Variants in CTRC observed in about 807,000 individuals in gnomAD.
The protein encoded by CTRC is chymotrypsin-C.
In CTRC, 32 loss-of-function variants were observed where a neutral mutation model predicts 35.7. The ratio of observed to expected loss-of-function variants is 0.90; its 90% CI spans 0.68 to 1.20. CTRC has a LOEUF of 1.20. Among genes scored for constraint, CTRC ranks in the 50% most tolerant of loss-of-function variants. The probability of loss-of-function intolerance (pLI) is 0.00; values close to 1 mark genes in which losing one functional copy is unlikely to be tolerated. For synonymous variants in CTRC, 119 were observed against 149.5 expected (o/e 0.80, Z 1.49); for missense variants, 324 against 361.5 (o/e 0.90, Z 0.84).
chr1:15,439,917 T>C (rs1481940981), intron 1 of CTRC, among the ~76,000 whole-genome samples: 1 of 152,170 alleles, frequency 6.6e-6, no homozygotes, highest in African/African-American at 2.4e-5. Flanking sequence ...AATTTCTGTA[T>C]TTTTAGTAGA....
At chr1:15,445,205 C>G (rs1364349407) in intron 6 of CTRC, among the ~76,000 whole-genome samples, 3 of 152,120 alleles carry the variant, frequency 2.0e-5, no homozygotes, top group Admixed American at 2.0e-4. Context: ...TTCAAACACA[C>G]AACCCTCTCC....
intron 7 of CTRC, 98 bp downstream of exon 7, chr1:15,445,847 CATTCATTT>C (rs1708210689): frequency 7.1e-7 from 1 of 1,414,856 alleles, no homozygotes; most frequent in Admixed American, 1.7e-5. Flanking sequence ...TTTATTCATT[CATTCATTT>C]ATTCACTCAT....
Position 15,445,748 on chromosome 1 carries a change from A to T in CTRC, c.791A>T (p.Glu264Val). 2 of 1,614,092 alleles carry T rather than the reference A, an allele frequency of 1.2e-6. No homozygotes were observed. The highest frequency in any genetic ancestry group is 1.7e-6 in the Non-Finnish European group (2 of 1,180,026). ...RVSAYIDWIN[E>V]KMQL ...TCCGCCTACATCGACTGGATCAACG[A>T]GGTGGGTGCTGCCTCCACAGCTGTC... Residue 264 changes from glutamate to valine, a missense_variant and splice_region_variant, in exon 7 of 8, where the codon GAG becomes GTG. By Grantham distance (121) the Glu-to-Val change is moderately radical. Transcript: ENST00000375949.
rs1387379670 is a variant in CTRC, at chr1:15,448,912, T to C, written c.*2323T>C. On this transcript the variant is annotated 3_prime_UTR_variant, in exon 8 of 8. Transcript: ENST00000375949. ...ATTAAAATGTTAATTAATATTACAA[T>C]GTTATTTAAGCAATGTTAAATAATA... 1 of 152,232 alleles carries C rather than the reference T, an allele frequency of 6.6e-6. No homozygotes were observed. Among genetic ancestry groups the C allele is most frequent in the Non-Finnish European group, 1.5e-5 (1 of 68,044 alleles). 9.4% of individuals were successfully genotyped at this position (152,232 alleles called of 1,614,324 possible). A position where few individuals can be genotyped will look rare whatever the true frequency, so the allele number is the denominator to read the frequency against.
intron 2 of CTRC, 24 bp from the exon 3 acceptor site, chr1:15,440,469 A>C: frequency 6.2e-7 from 1 of 1,612,886 alleles, no homozygotes; most frequent in Non-Finnish European, 8.5e-7. Context: ...AGGCTGACAC[A>C]CAGCCCTCCC....
chr1:15,445,451 C>T (rs960258710), intron 6 of CTRC, 146 bp from the exon 7 acceptor site: 6 of 762,190 alleles, frequency 7.9e-6, no homozygotes, highest in Non-Finnish European at 1.1e-5. Context: ...CCTCTGCCTC[C>T]CTCACCATGG....
chr1:15,443,984 G>A (rs746375818), intron 5 of CTRC, among the ~76,000 whole-genome samples: 7 of 152,072 alleles, frequency 4.6e-5, no homozygotes, highest in Non-Finnish European at 7.4e-5. Context: ...CAGCTGTGGC[G>A]GCTCACACCT....
Position 15,440,461 on chromosome 1 carries a change from G to T in CTRC, c.133-32G>T, listed in dbSNP as rs748069207. ...GGGTGAGGGTCCCAGGGACCTGCAG[G>T]CTGACACACAGCCCTCCCCACCCTC... is the stretch of plus-strand genomic sequence containing the variant. On this transcript the variant is annotated intron_variant, in intron 2 of 7. Transcript: ENST00000375949. 13 of 1,612,890 alleles carry T rather than the reference G, an allele frequency of 8.1e-6. No homozygotes were observed. The Admixed American group carries it at 2.0e-4, about 25-fold the overall frequency.
rs1708193613 is a variant in CTRC, at chr1:15,444,898, C to T, written c.639+147C>T. 5 of 931,512 alleles carry T rather than the reference C, an allele frequency of 5.4e-6. No homozygotes were observed. The Admixed American group carries it at 9.9e-5, about 19-fold the overall frequency. 57.7% of individuals were successfully genotyped at this position (931,512 alleles called of 1,614,324 possible). On this transcript the variant is annotated intron_variant, in intron 6 of 7. Transcript: ENST00000375949. ...CAGCAGGCTCAGGGTAAGCCCATCA[C>T]CCCCCATCACTGTGGTGAGAGCATG... is the stretch of plus-strand genomic sequence containing the variant.
intron 5 of CTRC, among the ~76,000 whole-genome samples, chr1:15,444,292 T>C (rs1211636283): frequency 1.3e-5 from 2 of 151,154 alleles, no homozygotes; most frequent in African/African-American, 4.9e-5. Flanking sequence ...TAGAAAATCT[T>C]GGGGGTGAGA....
In CTRC at chr1:15,440,350, G is replaced by A. The variant is rs1258820133; in HGVS notation, c.91G>A (p.Val31Met). The A allele has an allele frequency of 1.2e-6, 2 of 1,612,058 alleles. No homozygotes were observed. Residue 31 changes from valine (V) to methionine (M), a missense_variant, in exon 2 of 8, where the codon GTG becomes ATG. Val to Met is a conservative substitution (Grantham distance 21, BLOSUM62 1). Transcript: ENST00000375949. ...SFPPNLSARVVGGEDARPHSW... is the reference protein window; with the variant it reads ...SFPPNLSARVMGGEDARPHSW... Reference sequence around the variant, plus strand: ...CCCGCCCAACCTATCCGCCCGAGTGGTGGGAGGAGAGGATGCCCGGCCCCA... The same window carrying A: ...CCCGCCCAACCTATCCGCCCGAGTGATGGGAGGAGAGGATGCCCGGCCCCA...
At chr1:15,441,228 G>C (rs948605967) in intron 3 of CTRC, among the ~76,000 whole-genome samples, 1 of 152,124 alleles carries the variant, frequency 6.6e-6, no homozygotes, top group African/African-American at 2.4e-5. Context: ...AACAGAATGA[G>C]GGGTTCAGTT....
chr1:15,443,348 C>T (rs1055145095), intron 4 of CTRC, 71 bp from the exon 5 acceptor site: 55 of 1,602,452 alleles, frequency 3.4e-5, no homozygotes, highest in South Asian at 6.6e-5. Flanking sequence ...ACTCACAGCC[C>T]GAGCCCCTTA....
intron 7 of CTRC, 40 bp downstream of exon 7, chr1:15,445,789 C>T: frequency 6.2e-7 from 1 of 1,612,026 alleles, no homozygotes; most frequent in Non-Finnish European, 8.5e-7. Context: ...ACCTGTCAGC[C>T]CCTCCCCCTC....
chr1:15,447,960 C>T lies in CTRC; in HGVS notation c.*1371C>T, dbSNP rs1708244876. On this transcript the variant is annotated 3_prime_UTR_variant, in exon 8 of 8. Transcript: ENST00000375949. ...ACCAGTAAATAGATCATTAAATTCC[C>T]TGGTATACATTTGAAAACAGAAATA... 1 of 152,186 alleles carries T rather than the reference C, an allele frequency of 6.6e-6. No individual in the cohort carries two copies. 9.4% of individuals were successfully genotyped at this position (152,186 alleles called of 1,614,324 possible).
At position 15,441,735 on chromosome 1, in the gene CTRC, A is replaced by G. The variant is rs1204027433; in HGVS notation, c.231-712A>G. On this transcript the variant is annotated intron_variant, in intron 3 of 7. Coordinates refer to ENST00000375949, the MANE Select transcript of CTRC (RefSeq NM_007272.3). Reference sequence around the variant, plus strand: ...TAGAGACAGAGTCTCATTTAGTGGTACCATCATGGTTCACTGTAGCCTTGA... The same window carrying G: ...TAGAGACAGAGTCTCATTTAGTGGTGCCATCATGGTTCACTGTAGCCTTGA... Among the ~76,000 whole-genome samples the G allele has an allele frequency of 4.0e-5, 6 of 150,224 alleles. No individual in the cohort carries two copies. The East Asian group carries it at 1.2e-3, about 29-fold the overall frequency.
At chr1:15,443,311 C>G (rs1487407749) in intron 4 of CTRC, 108 bp from the exon 5 acceptor site, 1 of 1,324,232 alleles carries the variant, frequency 7.6e-7, no homozygotes, top group Admixed American at 1.7e-5. Flanking sequence ...TGTGAAGGAC[C>G]CCTGAGCACC....
chr1:15,447,358 T>G lies in CTRC; in HGVS notation c.*769T>G, dbSNP rs143142891. ...CACACAGAATCACAGTGGTCAGAGC[T>G]GGATATGCTTTCATTGCATTAGACA... On this transcript the variant is annotated 3_prime_UTR_variant, in exon 8 of 8. Transcript: ENST00000375949. The G allele has an allele frequency of 5.0e-3, 763 of 153,426 alleles. 3 individuals are homozygous for G. Among genetic ancestry groups the G allele is most frequent in the Non-Finnish European group, 9.0e-3 (622 of 68,778 alleles). 9.5% of individuals were successfully genotyped at this position (153,426 alleles called of 1,614,324 possible).
chr1:15,441,211 G>A (rs1432584242), intron 3 of CTRC, among the ~76,000 whole-genome samples: 1 of 152,128 alleles, frequency 6.6e-6, no homozygotes, highest in Non-Finnish European at 1.5e-5. Flanking sequence ...AAGGTCAGAA[G>A]AGGACAAACA....
Sources: gnomAD v4.1 joint callset for allele counts (sites outside exome capture counted in the v4.1 genomes callset) on GRCh38, gnomAD v4.1.1 for gene constraint, MANE v1.5 for transcripts, NCBI Gene and HGNC (gene_info 2026-07-23, HGNC 2026-07-21) for gene names.